MYRIP: variants seen among roughly 807,000 people sequenced by gnomAD.
The protein encoded by MYRIP is myosin VIIA and Rab interacting protein, also known as rab effector MyRIP.
MYRIP carries 49 observed loss-of-function variants against 98.0 expected under a neutral mutation model. The ratio of observed to expected loss-of-function variants is 0.50; its 90% CI spans 0.40 to 0.63. The LOEUF (loss-of-function observed/expected upper bound fraction) is 0.63, where lower values mean the gene tolerates loss of function less well. Ranked by LOEUF, MYRIP falls within the 30% of genes least tolerant of loss-of-function variation. The pLI is 0.00. For synonymous variants in MYRIP, 404 were observed against 409.5 expected (o/e 0.99, Z 0.16); for missense variants, 1,004 against 1,058.2 (o/e 0.95, Z 0.71).
chr3:39,833,754 C>A (rs974872195), intron 1 of MYRIP, among the ~76,000 whole-genome samples: 11 of 152,190 alleles, frequency 7.2e-5, no homozygotes, highest in Non-Finnish European at 1.6e-4. Context: ...GGCACGGTGG[C>A]TCACGCCTGT....
chr3:40,230,608 T>G (rs1380611825), intron 11 of MYRIP, among the ~76,000 whole-genome samples: 1 of 152,134 alleles, frequency 6.6e-6, no homozygotes, highest in African/African-American at 2.4e-5. Context: ...ATCCAAGTTA[T>G]CTCAACTTCC....
At chr3:39,922,443 A>G (rs992281776) in intron 2 of MYRIP, among the ~76,000 whole-genome samples, 1 of 152,350 alleles carries the variant, frequency 6.6e-6, no homozygotes, top group Middle Eastern at 3.4e-3. Context: ...AAGTGGGGCC[A>G]CTTGGACAGC....
At chr3:40,008,460 A>G (rs1046888213) in intron 2 of MYRIP, among the ~76,000 whole-genome samples, 22 of 152,162 alleles carry the variant, frequency 1.4e-4, no homozygotes, top group Non-Finnish European at 2.2e-4. Flanking sequence ...ACTTTAGGGT[A>G]TTTCTCTGGC....
rs367825690 is a variant in MYRIP, at chr3:40,244,463, C to T, written c.2118C>T (p.Gly706=). The part of the protein sequence containing the change: ...SLEENVYLAA[G]TVYGLETQLT... ...CTCTACAGGTATACCTGGCAGCAGG[C>T]ACTGTGTATGGACTGGAGACCCAGC... Residue 706 remains glycine (G), a synonymous_variant, in exon 13 of 17, where the codon GGC becomes GGT. Coordinates refer to ENST00000302541, the MANE Select transcript of MYRIP (RefSeq NM_015460.4). The T allele has an allele frequency of 1.2e-6, 2 of 1,612,714 alleles. No homozygotes were observed. Among genetic ancestry groups the T allele is most frequent in the Non-Finnish European group, 8.5e-7 (1 of 1,179,320 alleles).
At chr3:40,104,147 A>G (rs115401375) in intron 3 of MYRIP, among the ~76,000 whole-genome samples, 171 of 152,332 alleles carry the variant, frequency 1.1e-3, no homozygotes, top group African/African-American at 4.0e-3. Context: ...CATGTGCAGG[A>G]GAGTGCCTGT....
At chr3:39,884,852 G>T (rs1382742421) in intron 1 of MYRIP, among the ~76,000 whole-genome samples, 1 of 149,192 alleles carries the variant, frequency 6.7e-6, no homozygotes, top group South Asian at 2.1e-4. Flanking sequence ...TCTTTGTAGG[G>T]TAAATTCCTA....
intron 11 of MYRIP, among the ~76,000 whole-genome samples, chr3:40,221,212 G>A (rs1952328158): frequency 6.6e-6 from 1 of 152,058 alleles, no homozygotes; most frequent in Non-Finnish European, 1.5e-5. Context: ...TTTATTGAGT[G>A]TGTCAGTGTG....
At chr3:40,256,833 A>G (rs1384008826) in intron 16 of MYRIP, among the ~76,000 whole-genome samples, 1 of 152,210 alleles carries the variant, frequency 6.6e-6, no homozygotes, top group Non-Finnish European at 1.5e-5. Flanking sequence ...ATTGAAAACT[A>G]AAAGATTCAT....
chr3:39,950,512 T>G (rs182838172), intron 2 of MYRIP, among the ~76,000 whole-genome samples: 250 of 152,352 alleles, frequency 1.6e-3, no homozygotes, highest in African/African-American at 5.6e-3. Context: ...TTATGAATTC[T>G]GAGATGATTG....
At chr3:40,223,541 T>C (rs764025127) in intron 11 of MYRIP, among the ~76,000 whole-genome samples, 2 of 152,184 alleles carry the variant, frequency 1.3e-5, no homozygotes, top group Non-Finnish European at 2.9e-5. Flanking sequence ...GGGAGGGGAA[T>C]AGGGATGTAA....
intron 2 of MYRIP, among the ~76,000 whole-genome samples, chr3:40,027,104 C>G (rs748659923): frequency 6.6e-6 from 1 of 152,114 alleles, no homozygotes; most frequent in African/African-American, 2.4e-5. Context: ...AGATGCCTCA[C>G]AGATTTCACT....
chr3:39,887,372 A>G (rs974068768), intron 1 of MYRIP, among the ~76,000 whole-genome samples: 5 of 152,136 alleles, frequency 3.3e-5, no homozygotes, highest in African/African-American at 1.2e-4. Context: ...AGACACAAAA[A>G]ACCATTCAAA....
chr3:39,891,907 G>GTT (rs11405270), intron 1 of MYRIP, among the ~76,000 whole-genome samples: 39 of 150,540 alleles, frequency 2.6e-4, no homozygotes, highest in Non-Finnish European at 5.0e-4. Context: ...TACCTTTTCT[G>GTT]TTTTTTTTCT....
At chr3:39,919,715 T>TGA (rs1478323449) in intron 2 of MYRIP, among the ~76,000 whole-genome samples, 5 of 147,982 alleles carry the variant, frequency 3.4e-5, no homozygotes, top group South Asian at 2.1e-4. Flanking sequence ...TGTGTGTGTG[T>TGA]GTGTGTGTGT....
At chr3:40,219,827 T>C (rs540437918) in intron 11 of MYRIP, among the ~76,000 whole-genome samples, 43 of 151,746 alleles carry the variant, frequency 2.8e-4, no homozygotes, top group African/African-American at 9.2e-4. Flanking sequence ...CAGCATGATT[T>C]ATAATCCTTT....
chr3:39,858,652 T>C (rs1366479444), intron 1 of MYRIP, among the ~76,000 whole-genome samples: 1 of 138,308 alleles, frequency 7.2e-6, no homozygotes, highest in Non-Finnish European at 1.5e-5. Context: ...ACAAAAAAAG[T>C]TGTAACAAAT....
At chr3:39,954,349 A>G (rs1285181573) in intron 2 of MYRIP, among the ~76,000 whole-genome samples, 1 of 152,072 alleles carries the variant, frequency 6.6e-6, no homozygotes, top group Non-Finnish European at 1.5e-5. Context: ...AACATTTGCC[A>G]TTCTGCAATA....
chr3:40,127,656 G>T (rs182879014), intron 3 of MYRIP, among the ~76,000 whole-genome samples: 1 of 152,222 alleles, frequency 6.6e-6, no homozygotes, highest in African/African-American at 2.4e-5. Context: ...CCGGTTGGGG[G>T]TGGGGGGCAC....
At chr3:40,114,395 A>T (rs1449817173) in intron 3 of MYRIP, among the ~76,000 whole-genome samples, 2 of 152,232 alleles carry the variant, frequency 1.3e-5, no homozygotes, top group Non-Finnish European at 2.9e-5. Flanking sequence ...ATGCTCTCAC[A>T]ATGACAAAAT....
Sources: allele counts gnomAD v4.1 joint callset (sites outside exome capture counted in the v4.1 genomes callset), GRCh38; gene constraint gnomAD v4.1.1; transcripts MANE v1.5; gene names NCBI Gene and HGNC (gene_info 2026-07-23, HGNC 2026-07-21).